BAALC: variants seen among roughly 807,000 people sequenced by gnomAD.
BAALC encodes the protein BAALC binder of MAP3K1 and KLF4, also known as brain and acute leukemia cytoplasmic protein.
Under a neutral mutation model 15.5 loss-of-function variants are expected in BAALC, and 9 were observed. The observed-to-expected ratio is 0.58, with a 90% CI of 0.35 to 1.02. BAALC has a LOEUF of 1.02. Ranked by LOEUF, BAALC falls within the 50% of genes least tolerant of loss-of-function variation. The pLI, the probability that BAALC is intolerant of heterozygous loss-of-function variation, is 0.02. For missense variants in BAALC, 201 were observed against 192.4 expected (o/e 1.04, Z -0.27); for synonymous variants, 80 against 74.6 (o/e 1.07, Z -0.37).
chr8:103,223,043 T>C (rs757630489), intron 2 of BAALC, among the ~76,000 whole-genome samples: 2 of 152,180 alleles, frequency 1.3e-5, no homozygotes, highest in Non-Finnish European at 2.9e-5. Flanking sequence ...GCGTGGTGGC[T>C]GGCTCACGCC....
chr8:103,183,335 A>T (rs1811766937), intron 1 of BAALC: 1 of 702,778 alleles, frequency 1.4e-6, no homozygotes, highest in Non-Finnish European at 2.6e-6. Flanking sequence ...AACCACTTCC[A>T]CTGTTCTTAT....
Position 103,230,242 on chromosome 8 carries a change from T to G in BAALC, c.*2143T>G, listed in dbSNP as rs3736045. The G allele has an allele frequency of 6.6e-6, 1 of 152,166 alleles. No homozygotes were observed. Among genetic ancestry groups the G allele is most frequent in the Non-Finnish European group, 1.5e-5 (1 of 68,030 alleles). 9.4% of individuals were successfully genotyped at this position (152,166 alleles called of 1,614,324 possible). ...ATGAGACAGAAACTAATCCTTACTA[T>G]CCTATTAGGATACCACTTTTCATTG... On this transcript the variant is annotated 3_prime_UTR_variant, in exon 3 of 3. Transcript: ENST00000309982.
At chr8:103,209,816 CA>C (rs1179576304) in intron 1 of BAALC, among the ~76,000 whole-genome samples, 1 of 152,214 alleles carries the variant, frequency 6.6e-6, no homozygotes, top group Non-Finnish European at 1.5e-5. Flanking sequence ...CTGGCAATGT[CA>C]AATTGCTATA....
intron 1 of BAALC, among the ~76,000 whole-genome samples, chr8:103,167,528 T>C (rs1286120362): frequency 6.6e-6 from 1 of 152,166 alleles, no homozygotes; most frequent in Non-Finnish European, 1.5e-5. Flanking sequence ...AAGAGGTAGA[T>C]AGCATACGAA....
chr8:103,204,289 T>C (rs1812282400), intron 1 of BAALC, among the ~76,000 whole-genome samples: 3 of 152,208 alleles, frequency 2.0e-5, no homozygotes, highest in East Asian at 1.9e-4. Flanking sequence ...TTTTTTATTA[T>C]TGAGTTGTAG....
At chr8:103,218,211 C>T (rs1038432831) in intron 2 of BAALC, among the ~76,000 whole-genome samples, 1 of 152,142 alleles carries the variant, frequency 6.6e-6, no homozygotes, top group Non-Finnish European at 1.5e-5. Flanking sequence ...CTCCAATCCC[C>T]CCGCCTTATG....
intron 1 of BAALC, among the ~76,000 whole-genome samples, chr8:103,202,187 A>G (rs764956686): frequency 2.6e-5 from 4 of 152,240 alleles, no homozygotes; most frequent in Non-Finnish European, 5.9e-5. Context: ...TGAGCTGTGT[A>G]CCCCTAAAAT....
chr8:103,182,078 T>C (rs2129976450), intron 1 of BAALC, among the ~76,000 whole-genome samples: 1 of 152,308 alleles, frequency 6.6e-6, no homozygotes, highest in Middle Eastern at 3.4e-3. Context: ...TCCAGAGCCT[T>C]TTCTTCTTTT....
Position 103,228,207 on chromosome 8 carries a change from C to A in BAALC, c.*108C>A. On this transcript the variant is annotated 3_prime_UTR_variant, in exon 3 of 3. Coordinates refer to ENST00000309982, the MANE Select transcript of BAALC (RefSeq NM_024812.3). ...GGCTGCCCCTTGCTGGACCTGAATT[C>A]TACTGAGTCCCTGGCAAGACTGTCT... 1 of 737,372 alleles carries A rather than the reference C, an allele frequency of 1.4e-6. No homozygotes were observed. The highest frequency in any genetic ancestry group is 2.3e-6 in the Non-Finnish European group (1 of 442,260). 45.7% of individuals were successfully genotyped at this position (737,372 alleles called of 1,614,324 possible). A position where few individuals can be genotyped will look rare whatever the true frequency, so the allele number is the denominator to read the frequency against.
In BAALC at chr8:103,228,316, C is replaced by T. The variant is rs150857557; in HGVS notation, c.*217C>T. On this transcript the variant is annotated 3_prime_UTR_variant, in exon 3 of 3. Transcript: ENST00000309982. Reference sequence around the variant, plus strand: ...TGTAAATGTATTGGCACAGTGCTTACATATGTTAATAAACTGCAAATGTGC... The same window carrying T: ...TGTAAATGTATTGGCACAGTGCTTATATATGTTAATAAACTGCAAATGTGC... 6.2e-6 allele frequency: 3 copies of T among 485,868 alleles called. No homozygotes were observed. The highest frequency in any genetic ancestry group is 3.4e-5 in the East Asian group (1 of 29,534). The allele number at this position is 485,868 out of a possible 1,614,324, so 30.1% of individuals were successfully genotyped here. A position where few individuals can be genotyped will look rare whatever the true frequency, so the allele number is the denominator to read the frequency against.
chr8:103,225,890 G>A (rs1812797981), intron 2 of BAALC, among the ~76,000 whole-genome samples: 1 of 152,130 alleles, frequency 6.6e-6, no homozygotes. Context: ...AGCTACACAA[G>A]GACACAGGAT....
chr8:103,167,286 C>T (rs566014741), intron 1 of BAALC, among the ~76,000 whole-genome samples: 2 of 152,216 alleles, frequency 1.3e-5, no homozygotes, highest in East Asian at 3.9e-4. Context: ...TAGACATAGT[C>T]CTAGGCACTC....
At chr8:103,212,312 G>T (rs746594007) in intron 1 of BAALC, among the ~76,000 whole-genome samples, 8 of 152,106 alleles carry the variant, frequency 5.3e-5, no homozygotes, top group Non-Finnish European at 1.0e-4. Context: ...GCTGGGCATG[G>T]TGACACGTGC....
intron 1 of BAALC, chr8:103,200,565 A>C (rs1384077560): frequency 2.1e-6 from 1 of 468,310 alleles, no homozygotes; most frequent in African/African-American, 1.9e-5. Context: ...ACCAAAGAGT[A>C]AAAGACAACA....
At position 103,141,195 on chromosome 8, in the gene BAALC, G is replaced by A. The variant is rs73701752; in HGVS notation, c.160+138G>A. ...CTGGGAGGAAGCAGAGGCAGGACCT[G>A]CCCACTGATCAGTGGACAGATGCAA... is the stretch of plus-strand genomic sequence containing the variant. On this transcript the variant is annotated intron_variant, in intron 1 of 2. Coordinates refer to ENST00000309982, the MANE Select transcript of BAALC (RefSeq NM_024812.3). 2,309 of 1,021,162 alleles carry A rather than the reference G, an allele frequency of 2.3e-3. 47 individuals carry two copies. The African/African-American group carries it at 0.035, about 15-fold the overall frequency. The allele number at this position is 1,021,162 out of a possible 1,614,324, so 63.3% of individuals were successfully genotyped here.
At chr8:103,172,078 C>T (rs1164863334) in intron 1 of BAALC, 1 of 152,198 alleles carries the variant, frequency 6.6e-6, no homozygotes, top group Non-Finnish European at 1.5e-5. Flanking sequence ...TGTTTTATGT[C>T]CCCTAAACTG....
At chr8:103,195,358 C>T (rs1812069060) in intron 1 of BAALC, among the ~76,000 whole-genome samples, 1 of 152,202 alleles carries the variant, frequency 6.6e-6, no homozygotes. Flanking sequence ...TGCTACAGGG[C>T]TTTGATGTCC....
intron 1 of BAALC, among the ~76,000 whole-genome samples, chr8:103,164,971 G>C (rs1399228921): frequency 6.6e-6 from 1 of 152,162 alleles, no homozygotes; most frequent in Non-Finnish European, 1.5e-5. Flanking sequence ...AGACTGACAA[G>C]TAGGAACACA....
At position 103,199,239 on chromosome 8, in the gene BAALC, A is replaced by G. The variant is rs1217890041; in HGVS notation, c.161-13680A>G. Among the ~76,000 whole-genome samples, 3 of 152,220 alleles carry G rather than the reference A, an allele frequency of 2.0e-5. No homozygotes were observed. The South Asian group carries it at 6.2e-4, about 32-fold the overall frequency. ...TAGGCTCTGCCAATTGCCCTCCAAA[A>G]TGGACAGTTTTACCTGCACTTCCAC... On this transcript the variant is annotated intron_variant, in intron 1 of 2. Coordinates refer to ENST00000309982, the MANE Select transcript of BAALC (RefSeq NM_024812.3).
Sources: gnomAD v4.1 joint callset for allele counts (sites outside exome capture counted in the v4.1 genomes callset) on GRCh38, gnomAD v4.1.1 for gene constraint, MANE v1.5 for transcripts, NCBI Gene and HGNC (gene_info 2026-07-23, HGNC 2026-07-21) for gene names.